The following GLB1L3 variants were observed in gnomAD, a reference collection of about 807,000 sequenced individuals.
GLB1L3 encodes the protein beta-galactosidase-1-like protein 3.
In GLB1L3, 89 loss-of-function variants were observed where a neutral mutation model predicts 89.5. That is an observed-to-expected ratio of 0.99 (90% CI 0.84 to 1.19). GLB1L3 has a LOEUF of 1.19. Ranked by LOEUF, GLB1L3 falls within the 50% of genes most tolerant of loss-of-function variation. GLB1L3 has a pLI of 0.00. For synonymous variants in GLB1L3, 314 were observed against 312.3 expected, an observed-to-expected ratio of 1.01 and a Z score of -0.06; for missense variants, 812 against 813.3, an observed-to-expected ratio of 1.00 and a Z score of 0.02.
chr11:134,316,204 A>G (rs1591596539), intron 18 of GLB1L3, among the ~76,000 whole-genome samples: 1 of 147,328 alleles, frequency 6.8e-6, no homozygotes, highest in African/African-American at 2.5e-5. Context: ...TGACTCCCAT[A>G]CCTTTTTTTT....
At chr11:134,305,237 T>C in intron 9 of GLB1L3, 1 of 769,886 alleles carries the variant, frequency 1.3e-6, no homozygotes, top group Non-Finnish European at 2.3e-6. Context: ...TGCACTGAAT[T>C]ATGTAAAGTG....
chr11:134,313,018 G>T, intron 15 of GLB1L3, 131 bp downstream of exon 15: 1 of 732,280 alleles, frequency 1.4e-6, no homozygotes, highest in South Asian at 1.6e-5. Flanking sequence ...GCGGCGGCAG[G>T]AAGTGTGCAG....
At chr11:134,287,718 C>G (rs1160226517) in intron 6 of GLB1L3, among the ~76,000 whole-genome samples, 1 of 152,238 alleles carries the variant, frequency 6.6e-6, no homozygotes, top group Non-Finnish European at 1.5e-5. Context: ...AGAGGCCATG[C>G]GTCCACTCGG....
At chr11:134,278,284 A>T (rs1301495626) in intron 3 of GLB1L3, among the ~76,000 whole-genome samples, 2 of 151,996 alleles carry the variant, frequency 1.3e-5, no homozygotes, top group African/African-American at 4.8e-5. Flanking sequence ...AACAAAAAAA[A>T]ATTTTTTTTT....
At chr11:134,308,244 T>TCATCACCACCAC (rs1942349283) in intron 10 of GLB1L3, among the ~76,000 whole-genome samples, 1 of 19,788 alleles carries the variant, frequency 5.1e-5, no homozygotes, top group African/African-American at 2.7e-4. Context: ...ACCATCACCA[T>TCATCACCACCAC]CACCACCATC....
At chr11:134,307,329 C>T (rs924055748) in intron 10 of GLB1L3, 121 bp downstream of exon 10, 75 of 696,834 alleles carry the variant, frequency 1.1e-4, no homozygotes, top group African/African-American at 1.0e-3. Context: ...TGCAACTTTT[C>T]ACATACAAGC....
intron 14 of GLB1L3, 52 bp from the exon 15 acceptor site, chr11:134,312,764 C>T (rs1942801557): frequency 6.8e-7 from 1 of 1,471,536 alleles, no homozygotes; most frequent in Non-Finnish European, 9.4e-7. Flanking sequence ...GGCCTCTCTT[C>T]TCCCTTTCTT....
chr11:134,310,436 A>G lies in GLB1L3; in HGVS notation c.1100-135A>G, dbSNP rs1416936433. The G allele has an allele frequency of 6.2e-6, 4 of 645,774 alleles. No homozygotes were observed. The African/African-American group carries it at 7.3e-5, about 12-fold the overall frequency. 40.0% of individuals were successfully genotyped at this position (645,774 alleles called of 1,614,324 possible). A position where few individuals can be genotyped will look rare whatever the true frequency, so the allele number is the denominator to read the frequency against. ...TGGGGAATGTCCTTAGACTGGCATC[A>G]CACACCCACGTGGGATGGAAGGTGT... On this transcript the variant is annotated intron_variant, in intron 11 of 19. Coordinates refer to ENST00000431683, the MANE Select transcript of GLB1L3 (RefSeq NM_001080407.3).
chr11:134,276,670 G>C lies in GLB1L3; in HGVS notation c.-71G>C, dbSNP rs1160064573. The C allele has an allele frequency of 6.0e-6, 8 of 1,324,710 alleles. No individual in the cohort carries two copies. The highest frequency in any genetic ancestry group is 7.8e-6 in the Non-Finnish European group (8 of 1,028,342). 82.1% of individuals were successfully genotyped at this position (1,324,710 alleles called of 1,614,324 possible). ...GGAACCGGGGCTCGAGTCCCGGCCC[G>C]AGCGCGGCGTCGGGGCCAGCGGAGA... is the stretch of plus-strand genomic sequence containing the variant. On this transcript the variant is annotated 5_prime_UTR_variant, in exon 1 of 20. Coordinates refer to ENST00000431683, the MANE Select transcript of GLB1L3 (RefSeq NM_001080407.3).
At position 134,277,798 on chromosome 11, in the gene GLB1L3, A is replaced by T. The variant is rs768192803; in HGVS notation, c.248A>T (p.Glu83Val). 1.2e-6 allele frequency: 2 copies of T among 1,614,080 alleles called. No homozygotes were observed. The highest frequency in any genetic ancestry group is 8.5e-7 in the Non-Finnish European group (1 of 1,180,020). Residue 83 changes from glutamate to valine, a missense_variant, in exon 3 of 20, where the codon GAG becomes GTG. This residue lies in a region of GLB1L3 where 191 missense variants were observed against 191.4 expected (regional missense o/e 1.00). Transcript: ENST00000431683. ...CGGGGTAAGCCCCACTTCACACTGG[A>T]GGGCCACAAGTTCCTGATCTTCGGG... ...TGRGKPHFTL[E>V]GHKFLIFGGS...
At chr11:134,303,030 T>C (rs2136184233) in intron 9 of GLB1L3, among the ~76,000 whole-genome samples, 1 of 152,350 alleles carries the variant, frequency 6.6e-6, no homozygotes, top group South Asian at 2.1e-4. Flanking sequence ...TTTGAGGCTA[T>C]GTAAATGTGG....
Position 134,307,168 on chromosome 11 carries a change from C to G in GLB1L3, c.921C>G (p.Phe307Leu). The change falls in exon 10 of 20, where the codon TTC (phenylalanine) becomes TTG (leucine). Residue 307 changes from phenylalanine to leucine, a missense_variant. By Grantham distance (22) the Phe-to-Leu change is conservative (BLOSUM62 0). Coordinates refer to ENST00000431683, the MANE Select transcript of GLB1L3 (RefSeq NM_001080407.3). ...TTATGGAATACTGGGTCGGCTGGTT[C>G]GACAGATGGGGAGATAAGCACCATG... ...LLIMEYWVGWFDRWGDKHHVK... is the reference protein window; with the variant it reads ...LLIMEYWVGWLDRWGDKHHVK... The G allele has an allele frequency of 6.2e-7, 1 of 1,613,464 alleles. No individual in the cohort carries two copies. The highest frequency in any genetic ancestry group is 1.3e-5 in the African/African-American group (1 of 74,964).
In GLB1L3 at chr11:134,283,735, A is replaced by C; in HGVS notation, c.528-2A>C. ...CCCTGAGCCCGCCCCTCTTGCCCCC[A>C]GCTGGCTCCTGCAAGACCCCCGGTT... is the stretch of plus-strand genomic sequence containing the variant. On this transcript the variant is annotated splice_acceptor_variant, in intron 5 of 19. Transcript: ENST00000431683. LOFTEE classifies it high-confidence loss of function. 1 of 1,597,802 alleles carries C rather than the reference A, an allele frequency of 6.3e-7. No homozygotes were observed. Among genetic ancestry groups the C allele is most frequent in the South Asian group, 1.1e-5 (1 of 89,712 alleles).
downstream of GLB1L3, among the ~76,000 whole-genome samples, chr11:134,322,961 T>C (rs1298218462): frequency 1.3e-5 from 2 of 152,186 alleles, no homozygotes; most frequent in East Asian, 3.8e-4. Context: ...CATACGGTAA[T>C]TCTGTGTTTA....
chr11:134,278,194 G>A (rs1343357323), intron 3 of GLB1L3, among the ~76,000 whole-genome samples: 2 of 152,084 alleles, frequency 1.3e-5, no homozygotes, highest in East Asian at 1.9e-4. Flanking sequence ...AGGCGCCCTT[G>A]GGAGCACTCA....
chr11:134,283,216 C>A lies in GLB1L3; in HGVS notation c.528-521C>A, dbSNP rs573414672. Among the ~76,000 whole-genome samples, 210 of 152,246 alleles carry A rather than the reference C, an allele frequency of 1.4e-3. 1 individual carries two copies. The highest frequency in any genetic ancestry group is 4.7e-3 in the African/African-American group (197 of 41,546). On this transcript the variant is annotated intron_variant, in intron 5 of 19. Transcript: ENST00000431683. ...TAGCTGGGATTACAGGCGCCCGCCA[C>A]CACACCCGGCTAATTTCTGTACTTT...
At chr11:134,286,065 T>TG (rs747340502) in intron 6 of GLB1L3, among the ~76,000 whole-genome samples, 1 of 152,034 alleles carries the variant, frequency 6.6e-6, no homozygotes. Flanking sequence ...CCAACCACCA[T>TG]GCCTGGCTAA....
chr11:134,279,077 T>G (rs1374889557), intron 3 of GLB1L3, among the ~76,000 whole-genome samples: 4 of 152,228 alleles, frequency 2.6e-5, no homozygotes, highest in African/African-American at 9.6e-5. Flanking sequence ...TTGTTAGTAT[T>G]CTTGTCCAGT....
rs1940720154 is a variant in GLB1L3 at position 134,282,013 on chromosome 11, G to A, written c.432-12G>A. 4 of 1,558,646 alleles carry A rather than the reference G, an allele frequency of 2.6e-6. No individual in the cohort carries two copies. The highest frequency in any genetic ancestry group is 2.3e-5 in the East Asian group (1 of 43,172). ...CCGTCGTGGGAGGGGCTGACGATGT[G>A]GACCTCCCTAGGGCCTTCGTCCTGA... On this transcript the variant is annotated splice_polypyrimidine_tract_variant and intron_variant, in intron 4 of 19. Transcript: ENST00000431683.
Sources: allele counts gnomAD v4.1 joint callset (sites outside exome capture counted in the v4.1 genomes callset), GRCh38; gene constraint gnomAD v4.1.1; regional missense constraint gnomAD v4.1.1; transcripts MANE v1.5; gene names NCBI Gene and HGNC (gene_info 2026-07-23, HGNC 2026-07-21).